The following ZDHHC7 variants were observed in gnomAD, a reference collection of about 807,000 sequenced individuals.
ZDHHC7 encodes palmitoyltransferase ZDHHC7.
Under a neutral mutation model 34.1 loss-of-function variants are expected in ZDHHC7, and 12 were observed. That is an observed-to-expected ratio of 0.35 (90% CI 0.23 to 0.57). The LOEUF (loss-of-function observed/expected upper bound fraction) is 0.57, where lower values mean the gene tolerates loss of function less well. ZDHHC7 is among the 20% of genes least tolerant of loss of function. ZDHHC7 has a pLI of 0.84. For missense variants in ZDHHC7, 388 were observed against 402.7 expected (o/e 0.96, Z 0.31); for synonymous variants, 185 against 155.4 (o/e 1.19, Z -1.42).
chr16:84,987,100 C>T (rs950502438), intron 3 of ZDHHC7, among the ~76,000 whole-genome samples: 3 of 152,232 alleles, frequency 2.0e-5, no homozygotes, highest in African/African-American at 7.2e-5. Flanking sequence ...AGGACAGCTG[C>T]CAGCCTCTCC....
intron 1 of ZDHHC7, among the ~76,000 whole-genome samples, chr16:85,003,692 A>C (rs7192289): frequency 0.46 from 69,813 of 152,038 alleles, 19,428 homozygotes; most frequent in African/African-American, 0.79. Flanking sequence ...GAATAGTGAC[A>C]TTGCCTGACC....
Position 84,974,516 on chromosome 16 carries a change from G to A in ZDHHC7, c.*1827C>T, listed in dbSNP as rs908973437. 1 of 152,498 alleles carries A rather than the reference G, an allele frequency of 6.6e-6. No individual in the cohort carries two copies. The highest frequency in any genetic ancestry group is 6.5e-5 in the Admixed American group (1 of 15,272). The allele number at this position is 152,498 out of a possible 1,614,324, so 9.4% of individuals were successfully genotyped here. ...ATATAAAAGTTACATTGAAAGAAGA[G>A]GTTGAAAAGTCAAGTATACTTGATT... On this transcript the variant is annotated 3_prime_UTR_variant, in exon 8 of 8. Coordinates refer to ENST00000313732, the MANE Select transcript of ZDHHC7 (RefSeq NM_017740.3).
chr16:84,982,344 C>CAA (rs34800588), intron 3 of ZDHHC7, among the ~76,000 whole-genome samples: 15,124 of 110,994 alleles, frequency 0.14, 936 homozygotes, highest in African/African-American at 0.2. Flanking sequence ...GACTCCATCT[C>CAA]AAAAAAAAAA....
the ZDHHC7 span, among the ~76,000 whole-genome samples, chr16:85,025,331 G>A: frequency 0.012 from 1,751 of 151,816 alleles, 30 homozygotes; most frequent in African/African-American, 0.033. Context: ...AAGAGTGGGA[G>A]AGACCAAGTT....
At chr16:84,983,114 T>C (rs1404485518) in intron 3 of ZDHHC7, among the ~76,000 whole-genome samples, 1 of 152,230 alleles carries the variant, frequency 6.6e-6, no homozygotes, top group Non-Finnish European at 1.5e-5. Context: ...GCCTTGTGTC[T>C]GCCTCTTAGC....
At chr16:84,999,101 C>G (rs2143701251) in intron 1 of ZDHHC7, among the ~76,000 whole-genome samples, 1 of 152,258 alleles carries the variant, frequency 6.6e-6, no homozygotes, top group South Asian at 2.1e-4. Flanking sequence ...CATCTATGCA[C>G]CAGCCAGAAA....
chr16:84,997,897 A>AC, intron 1 of ZDHHC7, among the ~76,000 whole-genome samples: 1 of 93,468 alleles, frequency 1.1e-5, no homozygotes, highest in South Asian at 3.8e-4. Flanking sequence ...ACTCCGTCTA[A>AC]AAAAAAAAAA....
chr16:85,008,786 C>T (rs1261321526), intron 1 of ZDHHC7, among the ~76,000 whole-genome samples: 1 of 151,876 alleles, frequency 6.6e-6, no homozygotes, highest in African/African-American at 2.4e-5. Context: ...TGGCTCACGC[C>T]TGTAATCCCA....
At chr16:85,019,577 C>T in the ZDHHC7 span, among the ~76,000 whole-genome samples, 19 of 152,006 alleles carry the variant, frequency 1.2e-4, no homozygotes, top group Admixed American at 1.0e-3. Context: ...AATAGCCGGG[C>T]GTGGTGGCAG....
At position 84,989,694 on chromosome 16, in the gene ZDHHC7, C is replaced by CAAAAA. The variant is rs35823318; in HGVS notation, c.315+605_315+609dup. 1.8e-3 allele frequency among the ~76,000 whole-genome samples: 173 copies of CAAAAA among 96,248 alleles called. 2 individuals carry two copies. Among genetic ancestry groups the CAAAAA allele is most frequent in the African/African-American group, 2.3e-3 (55 of 24,278 alleles). 63.1% of individuals were successfully genotyped at this position (96,248 alleles called of 152,430 possible). On this transcript the variant is annotated intron_variant, in intron 3 of 7. Coordinates refer to ENST00000313732, the MANE Select transcript of ZDHHC7 (RefSeq NM_017740.3). ...GGGCAAAAAGAGCAAAACTCCGTCT[C>CAAAAA]AAAAAAAAAAAAAAAAAAAAGTCCT...
intron 4 of ZDHHC7, among the ~76,000 whole-genome samples, chr16:84,981,224 G>C (rs903346225): frequency 1.1e-4 from 16 of 152,202 alleles, no homozygotes; most frequent in African/African-American, 3.6e-4. Context: ...ATGCAACCAA[G>C]ACCAGCAGGG....
Position 84,976,155 on chromosome 16 carries a change from G to T in ZDHHC7, c.*188C>A. On this transcript the variant is annotated 3_prime_UTR_variant, in exon 8 of 8. Transcript: ENST00000313732. ...CCACACACCTTTCCGTTGTTGTACAGGTGGGGACTGAGAGCCTCTTCCTCT... is the reference window on the plus strand; with the variant it reads ...CCACACACCTTTCCGTTGTTGTACATGTGGGGACTGAGAGCCTCTTCCTCT... 1.4e-6 allele frequency: 1 copy of T among 720,804 alleles called. No homozygotes were observed. Among genetic ancestry groups the T allele is most frequent in the Non-Finnish European group, 2.2e-6 (1 of 448,792 alleles). 44.7% of individuals were successfully genotyped at this position (720,804 alleles called of 1,614,324 possible). A position where few individuals can be genotyped will look rare whatever the true frequency, so the allele number is the denominator to read the frequency against.
chr16:85,009,473 G>C (rs2072760037), intron 1 of ZDHHC7, among the ~76,000 whole-genome samples: 1 of 151,052 alleles, frequency 6.6e-6, no homozygotes, highest in African/African-American at 2.5e-5. Flanking sequence ...TGTCAACTGA[G>C]GCAGGCTCTG....
At chr16:84,997,895 TAAAA>T (rs751166134) in intron 1 of ZDHHC7, among the ~76,000 whole-genome samples, 2 of 64,432 alleles carry the variant, frequency 3.1e-5, no homozygotes, top group Admixed American at 2.1e-4. Flanking sequence ...AGACTCCGTC[TAAAA>T]AAAAAAAAAA....
intron 1 of ZDHHC7, among the ~76,000 whole-genome samples, chr16:85,002,624 TGATCCTGGGTGG>T (rs561459625): frequency 2.1e-4 from 32 of 151,906 alleles, no homozygotes; most frequent in African/African-American, 7.5e-4. Flanking sequence ...ATGTCCTGTG[TGATCCTGGGTGG>T]GATCCTGGGA....
chr16:84,998,820 C>A (rs1430636248), intron 1 of ZDHHC7, among the ~76,000 whole-genome samples: 1 of 141,038 alleles, frequency 7.1e-6, no homozygotes, highest in East Asian at 2.1e-4. Flanking sequence ...GTGGCGCGAT[C>A]TCGGCTCACC....
chr16:85,001,110 C>A (rs886070714), intron 1 of ZDHHC7, among the ~76,000 whole-genome samples: 2 of 152,104 alleles, frequency 1.3e-5, no homozygotes. Context: ...CGCTAAGAAA[C>A]CTGGAACTCT....
chr16:85,025,373 C>T, the ZDHHC7 span, among the ~76,000 whole-genome samples: 1 of 151,912 alleles, frequency 6.6e-6, no homozygotes, highest in Non-Finnish European at 1.5e-5. Flanking sequence ...CTGGATCCTG[C>T]TGAGCCAACC....
upstream of ZDHHC7, among the ~76,000 whole-genome samples, chr16:85,012,941 C>T (rs2072813369): frequency 6.6e-6 from 1 of 151,908 alleles, no homozygotes; most frequent in Admixed American, 6.6e-5. Flanking sequence ...GAATATATCA[C>T]CGCAAAATAT....
Sources: gnomAD v4.1 joint callset for allele counts (sites outside exome capture counted in the v4.1 genomes callset) on GRCh38, gnomAD v4.1.1 for gene constraint, MANE v1.5 for transcripts, NCBI Gene and HGNC (gene_info 2026-07-23, HGNC 2026-07-21) for gene names.